The following ACRBP variants were observed in gnomAD, a reference collection of about 807,000 sequenced individuals.
ACRBP encodes the protein acrosin-binding protein.
Under a neutral mutation model 69.0 loss-of-function variants are expected in ACRBP, and 52 were observed. The observed-to-expected ratio is 0.75, with a 90% CI of 0.60 to 0.95. The LOEUF (loss-of-function observed/expected upper bound fraction) is 0.95. ACRBP is among the 40% of genes least tolerant of loss of function. ACRBP has a pLI of 0.00. For synonymous variants in ACRBP, 267 were observed against 258.9 expected, an observed-to-expected ratio of 1.03 and a Z score of -0.30; for missense variants, 604 against 673.0, an observed-to-expected ratio of 0.90 and a Z score of 1.13.
intron 5 of ACRBP, 27 bp downstream of exon 5, chr12:6,644,110 G>C (rs755567581): frequency 5.2e-6 from 8 of 1,544,978 alleles, no homozygotes; most frequent in Non-Finnish European, 2.6e-6. Flanking sequence ...AGGGCAGGGT[G>C]GATGACAGAG....
intron 5 of ACRBP, 146 bp downstream of exon 5, chr12:6,643,991 G>A (rs905366955): frequency 2.1e-6 from 3 of 1,426,956 alleles, no homozygotes; most frequent in Non-Finnish European, 1.9e-6. Context: ...AATGGGCACA[G>A]AATTGGTGAG....
In ACRBP at chr12:6,647,352, G is replaced by C. The variant is rs143135414; in HGVS notation, c.15C>G (p.Ala5=). 1.1e-5 allele frequency: 17 copies of C among 1,543,126 alleles called. No homozygotes were observed. Among genetic ancestry groups the C allele is most frequent in the African/African-American group, 1.4e-5 (1 of 72,418 alleles). The change falls in exon 1 of 10, where the codon GCC becomes GCG. Residue 5 remains alanine, a synonymous_variant. Coordinates refer to ENST00000229243, the MANE Select transcript of ACRBP (RefSeq NM_032489.3). ...TCAGGAGTGAGGGAAGGAAGCCAGC[G>C]GCTGGCTTCCTCATGGCCGGAGAAG... MRKP[A]AGFLPSLLKV...
At chr12:6,642,269 A>G (rs1461925605) in intron 6 of ACRBP, among the ~76,000 whole-genome samples, 2 of 152,180 alleles carry the variant, frequency 1.3e-5, no homozygotes, top group Non-Finnish European at 2.9e-5. Context: ...TTTTTTCATG[A>G]CAAGATACAT....
rs752305322 is a variant in ACRBP at position 6,638,166 on chromosome 12, A to G, written c.*116T>C. On this transcript the variant is annotated 3_prime_UTR_variant, in exon 10 of 10. Coordinates refer to ENST00000229243, the MANE Select transcript of ACRBP (RefSeq NM_032489.3). ...GGGACTGTTGCTCCAACCCAAGGAA[A>G]TGTGAGTAGGGGCCGAGTAACAGAC... The G allele has an allele frequency of 6.9e-7, 1 of 1,451,058 alleles. No individual in the cohort carries two copies. Among genetic ancestry groups the G allele is most frequent in the Admixed American group, 2.1e-5 (1 of 48,752 alleles). 89.9% of individuals were successfully genotyped at this position (1,451,058 alleles called of 1,614,324 possible).
At position 6,646,987 on chromosome 12, in the gene ACRBP, G is replaced by C. The variant is rs761391875; in HGVS notation, c.69C>G (p.Ala23=). The C allele has an allele frequency of 2.5e-6, 4 of 1,611,464 alleles. No individual in the cohort carries two copies. The East Asian group carries it at 6.7e-5, about 27-fold the overall frequency. The part of the protein sequence containing the change: ...LKVLLLPLAP[A]AAQDSTQAST... ...AGGCCTGAGTCGAATCCTGGGCTGC[G>C]GCAGGTGCCAGAGGCAGGAGCAGCA... The change falls in exon 2 of 10, where the codon GCC becomes GCG. Residue 23 remains alanine (A), a synonymous_variant. Coordinates refer to ENST00000229243, the MANE Select transcript of ACRBP (RefSeq NM_032489.3).
rs369996577 is a variant in ACRBP, at chr12:6,640,026, G to A, written c.1425+34C>T. On this transcript the variant is annotated intron_variant, in intron 8 of 9. Coordinates refer to ENST00000229243, the MANE Select transcript of ACRBP (RefSeq NM_032489.3). This position sits in a 1 kb window ranked among gnomAD's most constrained non-coding sequence, Gnocchi z 5.3. ...AACTGGAAGGAATGGGGTGAGGGTA[G>A]GGATGGGGCTGAGCTTTGGGGAAAG... 143 of 1,611,254 alleles carry A rather than the reference G, an allele frequency of 8.9e-5. No homozygotes were observed. The highest frequency in any genetic ancestry group is 1.1e-4 in the Non-Finnish European group (135 of 1,178,360).
intron 4 of ACRBP, 56 bp downstream of exon 4, chr12:6,645,164 G>A: frequency 7.3e-7 from 1 of 1,375,986 alleles, no homozygotes; most frequent in Non-Finnish European, 1.0e-6. Flanking sequence ...TTACGTTGTG[G>A]GCTCTGGGAG....
chr12:6,646,879 G>C lies in ACRBP; in HGVS notation c.177C>G (p.Thr59=), dbSNP rs752892968. ...AGCCGTGGGTTGCACGGAGACGGCAGGTAGTCTCTGCCTTCCAGGTTGGAG... is the reference window on the plus strand; with the variant it reads ...AGCCGTGGGTTGCACGGAGACGGCACGTAGTCTCTGCCTTCCAGGTTGGAG... ...LLTPTWKAET[T]CRLRATHGCR... is the part of the protein sequence containing the mutation. Residue 59 remains threonine, a synonymous_variant, in exon 2 of 10, where the codon ACC becomes ACG. Coordinates refer to ENST00000229243, the MANE Select transcript of ACRBP (RefSeq NM_032489.3). The C allele has an allele frequency of 6.2e-7, 1 of 1,614,202 alleles. No homozygotes were observed.
At chr12:6,646,677 C>G in intron 2 of ACRBP, 100 bp from the exon 3 acceptor site, 52 of 1,513,310 alleles carry the variant, frequency 3.4e-5, no homozygotes, top group Non-Finnish European at 4.7e-5. Flanking sequence ...AGAGTACGAG[C>G]TCATGGTGTG....
At chr12:6,639,952 G>T in intron 8 of ACRBP, 108 bp downstream of exon 8, 1 of 1,372,002 alleles carries the variant, frequency 7.3e-7, no homozygotes, top group Non-Finnish European at 9.8e-7. Flanking sequence ...GTTCTCAGAA[G>T]CCAGGGGCCC....
chr12:6,639,720 C>T (rs748354571), intron 8 of ACRBP, among the ~76,000 whole-genome samples: 2 of 152,210 alleles, frequency 1.3e-5, no homozygotes, highest in Non-Finnish European at 2.9e-5. Context: ...GGCAGTGGTG[C>T]ACGTGTCACT....
chr12:6,638,356 G>T lies in ACRBP; in HGVS notation c.1558C>A (p.Pro520Thr), dbSNP rs781602941. Residue 520 changes from proline (P) to threonine (T), a missense_variant, in exon 10 of 10, where the codon CCT (proline) becomes ACT (threonine). Physicochemically the swap from Pro to Thr is conservative, Grantham distance 38. Around this residue, in one of 3 missense-constraint regions of ACRBP, gnomAD observed 51 missense variants for 60.1 expected, o/e 0.85. Transcript: ENST00000229243. ...LQNETYSALS[P>T]GKSEDVVLRW... Reference sequence around the variant, plus strand: ...AGCACAACGTCCTCACTTTTGCCAGGGCTCAGCGCACTGTAAGTCTCATTC... The same window carrying T: ...AGCACAACGTCCTCACTTTTGCCAGTGCTCAGCGCACTGTAAGTCTCATTC... 2 of 1,614,124 alleles carry T rather than the reference G, an allele frequency of 1.2e-6. No homozygotes were observed. The highest frequency in any genetic ancestry group is 2.2e-5 in the South Asian group (2 of 91,080).
chr12:6,646,734 G>A (rs1949092655), intron 2 of ACRBP, 60 bp downstream of exon 2: 3 of 1,594,120 alleles, frequency 1.9e-6, no homozygotes, highest in Non-Finnish European at 2.6e-6. Context: ...AGGGGTTTTT[G>A]CCCTGAGGTT....
At chr12:6,638,888 T>C in intron 9 of ACRBP, 66 bp downstream of exon 9, 1 of 1,602,462 alleles carries the variant, frequency 6.2e-7, no homozygotes, top group South Asian at 1.1e-5. Context: ...GGCCTCAGAA[T>C]AGACCAGTTA....
At position 6,647,304 on chromosome 12, in the gene ACRBP, AG is replaced by A; in HGVS notation, c.43+19del. The A allele has an allele frequency of 1.3e-6, 2 of 1,548,256 alleles. No homozygotes were observed. Among genetic ancestry groups the A allele is most frequent in the Non-Finnish European group, 1.7e-6 (2 of 1,148,748 alleles). ...GACTAGCCCGGGGAGAGTCTGTTGG[AG>A]CAGGTGTAAACCTCTCACCCTTCAG... On this transcript the variant is annotated intron_variant, in intron 1 of 9. Coordinates refer to ENST00000229243, the MANE Select transcript of ACRBP (RefSeq NM_032489.3).
In ACRBP at chr12:6,638,591, T is replaced by C. The variant is rs530301969; in HGVS notation, c.1510-187A>G. On this transcript the variant is annotated intron_variant, in intron 9 of 9. Transcript: ENST00000229243. ...AGGAGACATCAAGCAGCCCAACCCCTTTCATGCAGAAACAGGCGGCTGAGG... is the reference window on the plus strand; with the variant it reads ...AGGAGACATCAAGCAGCCCAACCCCCTTCATGCAGAAACAGGCGGCTGAGG... 11 of 1,226,038 alleles carry C rather than the reference T, an allele frequency of 9.0e-6. No homozygotes were observed. The South Asian group carries it at 1.3e-4, about 15-fold the overall frequency. 75.9% of individuals were successfully genotyped at this position (1,226,038 alleles called of 1,614,324 possible).
In ACRBP at chr12:6,645,091, A is replaced by G. The variant is rs1253190901; in HGVS notation, c.475+129T>C. 4.3e-6 allele frequency: 3 copies of G among 690,386 alleles called. No homozygotes were observed. The Admixed American group carries it at 8.4e-5, about 19-fold the overall frequency. The allele number at this position is 690,386 out of a possible 1,614,324, so 42.8% of individuals were successfully genotyped here. A position where few individuals can be genotyped will look rare whatever the true frequency, so the allele number is the denominator to read the frequency against. On this transcript the variant is annotated intron_variant, in intron 4 of 9. Transcript: ENST00000229243. Reference sequence around the variant, plus strand: ...AAAAAGCTGACACTCCTTTGTGTAAACAGCTGTCTGCTGGCGCCCCCTTCC... The same window carrying G: ...AAAAAGCTGACACTCCTTTGTGTAAGCAGCTGTCTGCTGGCGCCCCCTTCC...
At position 6,645,543 on chromosome 12, in the gene ACRBP, G is replaced by A. The variant is rs75800399; in HGVS notation, c.358-206C>T. Among the ~76,000 whole-genome samples, 546 of 152,170 alleles carry A rather than the reference G, an allele frequency of 3.6e-3. 2 individuals carry two copies. Among genetic ancestry groups the A allele is most frequent in the African/African-American group, 0.013 (524 of 41,526 alleles). ...TGTTTGTCTGGGCCACATCCCTGCCGTCACTTTTGCATTTGACTCAAAATC... is the reference window on the plus strand; with the variant it reads ...TGTTTGTCTGGGCCACATCCCTGCCATCACTTTTGCATTTGACTCAAAATC... On this transcript the variant is annotated intron_variant, in intron 3 of 9. Transcript: ENST00000229243.
Position 6,638,106 on chromosome 12 carries a change from T to C in ACRBP, c.*176A>G. The C allele has an allele frequency of 4.9e-6, 4 of 808,552 alleles. No homozygotes were observed. The highest frequency in any genetic ancestry group is 7.7e-6 in the Non-Finnish European group (4 of 520,312). 50.1% of individuals were successfully genotyped at this position (808,552 alleles called of 1,614,324 possible). A position where few individuals can be genotyped will look rare whatever the true frequency, so the allele number is the denominator to read the frequency against. On this transcript the variant is annotated 3_prime_UTR_variant, in exon 10 of 10. Transcript: ENST00000229243. Reference sequence around the variant, plus strand: ...TCAACATTTTATGTAAAGTCATCTTTTAAGGAGGGCGCAGCTCCCACCGTG... The same window carrying C: ...TCAACATTTTATGTAAAGTCATCTTCTAAGGAGGGCGCAGCTCCCACCGTG...
Sources: gnomAD v4.1 joint callset for allele counts (sites outside exome capture counted in the v4.1 genomes callset) on GRCh38, gnomAD v4.1.1 for gene constraint, gnomAD v4.1.1 regional missense constraint, Gnocchi (gnomAD v3.1) non-coding constraint, MANE v1.5 for transcripts, NCBI Gene and HGNC (gene_info 2026-07-23, HGNC 2026-07-21) for gene names.